SHISA9: variants seen among roughly 807,000 people sequenced by gnomAD.
SHISA9 encodes shisa family member 9, also known as protein shisa-9.
SHISA9 carries 13 observed loss-of-function variants against 38.0 expected under a neutral mutation model. The ratio of observed to expected loss-of-function variants is 0.34; its 90% confidence interval spans 0.22 to 0.54. SHISA9 has a LOEUF of 0.54. Ranked by LOEUF, SHISA9 falls within the 20% of genes least tolerant of loss-of-function variation. SHISA9 has a pLI of 0.91. For synonymous variants in SHISA9, 275 were observed against 242.0 expected, an observed-to-expected ratio of 1.14 and a Z score of -1.27; for missense variants, 538 against 575.8, an observed-to-expected ratio of 0.93 and a Z score of 0.67.
At chr16:13,481,943 A>G in the SHISA9 span, among the ~76,000 whole-genome samples, 3 of 152,192 alleles carry the variant, frequency 2.0e-5, no homozygotes, top group Admixed American at 6.5e-5. Context: ...ATCAGGGCCA[A>G]TGTTTTCTGA....
At chr16:13,399,993 C>A in the SHISA9 span, among the ~76,000 whole-genome samples, 2 of 152,208 alleles carry the variant, frequency 1.3e-5, no homozygotes, top group Non-Finnish European at 2.9e-5. Flanking sequence ...TGCTTTCAAG[C>A]GTATCAGGTG....
At chr16:13,234,959 T>A (rs2051366680) in intron 4 of SHISA9, 71 bp from the exon 5 acceptor site, 3 of 308,152 alleles carry the variant, frequency 9.7e-6, no homozygotes, top group Non-Finnish European at 1.5e-5. Context: ...AGTCTCTAAC[T>A]CTCTCTCTCT....
rs552923064 is a variant in SHISA9, at chr16:12,910,584, T to G, written c.564-6104T>G. ...GTACTCTCTTGTGAAATTTTCAATA[T>G]TCAGTCATTTCAACCTCAAAAATGG... On this transcript the variant is annotated intron_variant, in intron 1 of 4. Transcript: ENST00000558583. 10 of 985,422 alleles carry G rather than the reference T, an allele frequency of 1.0e-5. No homozygotes were observed. In the African/African-American group the frequency reaches 1.6e-4, roughly 15 times the overall value. 61.0% of individuals were successfully genotyped at this position (985,422 alleles called of 1,614,324 possible).
intron 3 of SHISA9, among the ~76,000 whole-genome samples, chr16:13,212,294 A>C (rs2051128377): frequency 6.6e-6 from 1 of 152,186 alleles, no homozygotes; most frequent in South Asian, 2.1e-4. Context: ...CAATGAGGAG[A>C]GGTCTCGTGG....
chr16:13,325,575 G>A, the SHISA9 span, among the ~76,000 whole-genome samples: 6 of 152,138 alleles, frequency 3.9e-5, no homozygotes, highest in Admixed American at 1.3e-4. Flanking sequence ...CAGTTATGCC[G>A]ACTGAGAAGT....
intron 2 of SHISA9, among the ~76,000 whole-genome samples, chr16:13,000,094 T>C (rs914979730): frequency 6.6e-6 from 1 of 152,206 alleles, no homozygotes; most frequent in African/African-American, 2.4e-5. Flanking sequence ...TGTCATTTAA[T>C]TCTCATGGCT....
At chr16:13,298,441 G>C in the SHISA9 span, among the ~76,000 whole-genome samples, 1 of 152,126 alleles carries the variant, frequency 6.6e-6, no homozygotes, top group Non-Finnish European at 1.5e-5. Flanking sequence ...CCCAGACTTT[G>C]TGCTAAAAGT....
chr16:13,309,693 G>A, the SHISA9 span, among the ~76,000 whole-genome samples: 9 of 150,010 alleles, frequency 6.0e-5, no homozygotes, highest in Non-Finnish European at 1.3e-4. Flanking sequence ...TAACATGCCA[G>A]AGGGATATAT....
chr16:13,402,343 G>A, the SHISA9 span, among the ~76,000 whole-genome samples: 3 of 152,204 alleles, frequency 2.0e-5, no homozygotes, highest in Admixed American at 1.3e-4. Context: ...GGCCACTGGT[G>A]TAAGTCCAAG....
intron 1 of SHISA9, among the ~76,000 whole-genome samples, chr16:12,913,198 T>A (rs2071209258): frequency 1.3e-5 from 2 of 152,216 alleles, no homozygotes; most frequent in Admixed American, 6.5e-5. Flanking sequence ...ACTTCTTTTT[T>A]TTGGCGGGGA....
chr16:13,013,895 T>C (rs1054158514), intron 2 of SHISA9, among the ~76,000 whole-genome samples: 4 of 151,374 alleles, frequency 2.6e-5, no homozygotes, highest in Non-Finnish European at 5.9e-5. Context: ...GCCTGGCTAA[T>C]TTTTTTTGTA....
At chr16:13,275,621 T>A in the SHISA9 span, among the ~76,000 whole-genome samples, 2 of 152,060 alleles carry the variant, frequency 1.3e-5, no homozygotes, top group African/African-American at 4.8e-5. Context: ...GAGGTATATA[T>A]CCCTCTTCTC....
chr16:12,946,578 G>A lies in SHISA9; in HGVS notation c.691+29763G>A, dbSNP rs79016531. On this transcript the variant is annotated intron_variant, in intron 2 of 4. Coordinates refer to ENST00000558583, the MANE Select transcript of SHISA9 (RefSeq NM_001145204.3). ...CAGCTTGATAACAGAGAAAGTTCTG[G>A]AACATGGATTGTAACACCAAGTTGG... is the stretch of plus-strand genomic sequence containing the variant. 9.9e-3 allele frequency among the ~76,000 whole-genome samples: 1,512 copies of A among 152,320 alleles called. 6 individuals are homozygous for A. Among genetic ancestry groups the A allele is most frequent in the East Asian group, 0.029 (149 of 5,180 alleles).
chr16:13,035,442 T>C (rs1301137605), intron 2 of SHISA9, among the ~76,000 whole-genome samples: 5 of 152,198 alleles, frequency 3.3e-5, no homozygotes, highest in African/African-American at 1.2e-4. Flanking sequence ...TAGAGGTTTG[T>C]CCACAGAGCT....
intron 2 of SHISA9, among the ~76,000 whole-genome samples, chr16:13,013,657 C>G (rs2072705847): frequency 6.6e-6 from 1 of 152,198 alleles, no homozygotes; most frequent in Non-Finnish European, 1.5e-5. Flanking sequence ...TGTCACATCC[C>G]TTCACTGGCC....
intron 2 of SHISA9, among the ~76,000 whole-genome samples, chr16:12,966,166 C>G (rs1044810410): frequency 1.3e-5 from 2 of 152,214 alleles, no homozygotes. Context: ...AAAATATTCC[C>G]TGGTTGGGCA....
the SHISA9 span, chr16:13,474,191 CT>C: frequency 6.6e-6 from 1 of 152,182 alleles, no homozygotes; most frequent in African/African-American, 2.4e-5. Context: ...TTACATCCCT[CT>C]TCTTCTTTCC....
At chr16:13,000,408 G>C (rs970259731) in intron 2 of SHISA9, among the ~76,000 whole-genome samples, 1 of 152,160 alleles carries the variant, frequency 6.6e-6, no homozygotes, top group African/African-American at 2.4e-5. Flanking sequence ...GCCTCAGACT[G>C]ATCCTGCGCA....
chr16:12,935,013 A>G (rs1202670732), intron 2 of SHISA9, among the ~76,000 whole-genome samples: 2 of 152,030 alleles, frequency 1.3e-5, no homozygotes, highest in African/African-American at 4.8e-5. Context: ...AATTATTCCA[A>G]CAATTTTGTC....
Sources: allele counts gnomAD v4.1 joint callset (sites outside exome capture counted in the v4.1 genomes callset), GRCh38; gene constraint gnomAD v4.1.1; transcripts MANE v1.5; gene names NCBI Gene and HGNC (gene_info 2026-07-23, HGNC 2026-07-21).